The following BRMS1L variants were observed in gnomAD, a reference collection of about 807,000 sequenced individuals.
BRMS1L encodes the protein BRMS1 like transcriptional repressor, also known as breast cancer metastasis-suppressor 1-like protein.
A neutral mutation model predicts 50.3 loss-of-function variants in BRMS1L; 23 were observed. The ratio of observed to expected loss-of-function variants is 0.46; its 90% CI spans 0.33 to 0.65. The LOEUF is 0.65. Ranked by LOEUF, BRMS1L falls within the 30% of genes least tolerant of loss-of-function variation. BRMS1L has a pLI of 0.02. For missense variants in BRMS1L, 286 were observed against 386.1 expected (o/e 0.74, Z 2.17); for synonymous variants, 114 against 126.9 (o/e 0.90, Z 0.69).
At chr14:35,839,179 G>T (rs1247265383) in intron 4 of BRMS1L, among the ~76,000 whole-genome samples, 1 of 152,114 alleles carries the variant, frequency 6.6e-6, no homozygotes, top group Non-Finnish European at 1.5e-5. Flanking sequence ...TCAGATGGTT[G>T]TAGGTGTGTG....
intron 4 of BRMS1L, among the ~76,000 whole-genome samples, chr14:35,856,663 G>A (rs1308211380): frequency 6.6e-6 from 1 of 151,948 alleles, no homozygotes; most frequent in East Asian, 1.9e-4. Context: ...CCCGGGTGGA[G>A]TGTAGTGGCG....
intron 1 of BRMS1L, among the ~76,000 whole-genome samples, chr14:35,828,082 A>G (rs2077867462): frequency 1.3e-5 from 2 of 152,224 alleles, no homozygotes; most frequent in African/African-American, 2.4e-5. Context: ...CCAAGATACA[A>G]GGAGAGTGGC....
chr14:35,853,021 T>TAG (rs59272704), intron 4 of BRMS1L, among the ~76,000 whole-genome samples: 168 of 151,916 alleles, frequency 1.1e-3, no homozygotes, highest in African/African-American at 3.6e-3. Context: ...TATCTATATA[T>TAG]AGAGAGAGAG....
chr14:35,829,958 C>A, intron 1 of BRMS1L: 1 of 601,742 alleles, frequency 1.7e-6, no homozygotes, highest in Non-Finnish European at 2.2e-6. Context: ...TCCTCATTTG[C>A]CTCTTTCTCA....
rs1306752815 is a variant in BRMS1L, at chr14:35,826,412, G to C, written c.-105G>C. On this transcript the variant is annotated 5_prime_UTR_variant, in exon 1 of 10. Coordinates refer to ENST00000216807, the MANE Select transcript of BRMS1L (RefSeq NM_032352.4). ...GGGCGGGGAGGAGCCAAGGGGGCGA[G>C]CAAGCTCGGTGGCTGGGTGGGTTGG... is the stretch of plus-strand genomic sequence containing the variant. The C allele has an allele frequency of 6.6e-7, 1 of 1,514,592 alleles. No homozygotes were observed. The highest frequency in any genetic ancestry group is 8.9e-7 in the Non-Finnish European group (1 of 1,125,804). The allele number at this position is 1,514,592 out of a possible 1,614,324, so 93.8% of individuals were successfully genotyped here.
intron 4 of BRMS1L, among the ~76,000 whole-genome samples, chr14:35,845,640 G>A (rs1487224820): frequency 6.6e-6 from 1 of 152,208 alleles, no homozygotes; most frequent in Non-Finnish European, 1.5e-5. Flanking sequence ...CATAAACTGA[G>A]TTAAGAATAT....
rs189988287 is a variant in BRMS1L, at chr14:35,844,222, A to G, written c.441+9299A>G. ...GTTCTTTCTCGCTGGTGTTCCAGGTACCACTGGGGTATGAAAAAAAGCTCC... is the reference window on the plus strand; with the variant it reads ...GTTCTTTCTCGCTGGTGTTCCAGGTGCCACTGGGGTATGAAAAAAAGCTCC... On this transcript the variant is annotated intron_variant, in intron 4 of 9. Coordinates refer to ENST00000216807, the MANE Select transcript of BRMS1L (RefSeq NM_032352.4). Among the ~76,000 whole-genome samples, 320 of 152,136 alleles carry G rather than the reference A, an allele frequency of 2.1e-3. 1 individual carries two copies. Among genetic ancestry groups the G allele is most frequent in the African/African-American group, 6.9e-3 (288 of 41,508 alleles).
intron 7 of BRMS1L, 138 bp from the exon 8 acceptor site, chr14:35,865,584 G>A (rs2078409495): frequency 1.5e-6 from 1 of 658,676 alleles, no homozygotes; most frequent in Non-Finnish European, 2.5e-6. Flanking sequence ...AAATTTGTTA[G>A]AGCAGCTAAT....
At chr14:35,862,939 A>T (rs546779114) in intron 5 of BRMS1L, among the ~76,000 whole-genome samples, 1 of 152,286 alleles carries the variant, frequency 6.6e-6, no homozygotes, top group South Asian at 2.1e-4. Flanking sequence ...ACCTACTGGC[A>T]GAATAGTGTC....
At chr14:35,848,612 C>G (rs535605982) in intron 4 of BRMS1L, among the ~76,000 whole-genome samples, 1 of 152,214 alleles carries the variant, frequency 6.6e-6, no homozygotes, top group Non-Finnish European at 1.5e-5. Context: ...TTCCCATACC[C>G]TGCCCCACTG....
In BRMS1L at chr14:35,871,505, T is replaced by C. The variant is rs1481805748; in HGVS notation, c.*1028T>C. 1 of 152,618 alleles carries C rather than the reference T, an allele frequency of 6.6e-6. No homozygotes were observed. The highest frequency in any genetic ancestry group is 1.5e-5 in the Non-Finnish European group (1 of 68,026). The allele number at this position is 152,618 out of a possible 1,614,324, so 9.5% of individuals were successfully genotyped here. On this transcript the variant is annotated 3_prime_UTR_variant, in exon 10 of 10. Coordinates refer to ENST00000216807, the MANE Select transcript of BRMS1L (RefSeq NM_032352.4). ...ACATTCAAAATTAACTTCCAAAACC[T>C]CAGGAACAGTACAAAGAATTGAAAC... is the stretch of plus-strand genomic sequence containing the variant.
At position 35,833,042 on chromosome 14, in the gene BRMS1L, C is replaced by G; in HGVS notation, c.298C>G (p.Pro100Ala). Residue 100 changes from proline to alanine, a missense_variant, in exon 3 of 10, where the codon CCA (proline) becomes GCA (alanine). Pro to Ala is a conservative substitution (Grantham distance 27). This residue lies in a region of BRMS1L where 160 missense variants were observed against 240.6 expected (regional missense o/e 0.66). Transcript: ENST00000216807. ...ACAAGAAGTCATAGCTGGAAAAGCACCAGAATACTTGGAACCGCTGGCAAC... is the reference window on the plus strand; with the variant it reads ...ACAAGAAGTCATAGCTGGAAAAGCAGCAGAATACTTGGAACCGCTGGCAAC... Reference protein sequence around the residue: ...KLQEVIAGKAPEYLEPLATLQ... With the variant: ...KLQEVIAGKAAEYLEPLATLQ... 1 of 1,613,244 alleles carries G rather than the reference C, an allele frequency of 6.2e-7. No homozygotes were observed. The highest frequency in any genetic ancestry group is 8.5e-7 in the Non-Finnish European group (1 of 1,179,474).
At position 35,826,503 on chromosome 14, in the gene BRMS1L, G is replaced by T; in HGVS notation, c.-14G>T. 1 of 1,572,012 alleles carries T rather than the reference G, an allele frequency of 6.4e-7. No individual in the cohort carries two copies. The highest frequency in any genetic ancestry group is 8.6e-7 in the Non-Finnish European group (1 of 1,158,814). Reference sequence around the variant, plus strand: ...CTGGGCGCCGGTAGTGGAAAGCGACGGCGCGGCTGGAAAATGCCAGTCCAT... The same window carrying T: ...CTGGGCGCCGGTAGTGGAAAGCGACTGCGCGGCTGGAAAATGCCAGTCCAT... On this transcript the variant is annotated 5_prime_UTR_variant, in exon 1 of 10. Transcript: ENST00000216807.
chr14:35,864,392 G>T (rs2078393868), intron 6 of BRMS1L, among the ~76,000 whole-genome samples: 1 of 152,010 alleles, frequency 6.6e-6, no homozygotes, highest in South Asian at 2.1e-4. Context: ...CTCCCAAGTA[G>T]CTGGGACTAC....
chr14:35,869,873 TA>T (rs1472655690), intron 9 of BRMS1L, among the ~76,000 whole-genome samples: 3 of 151,530 alleles, frequency 2.0e-5, no homozygotes, highest in Admixed American at 2.0e-4. Flanking sequence ...AATAAATAAT[TA>T]AAAAAAGAAT....
At position 35,827,241 on chromosome 14, in the gene BRMS1L, C is replaced by T. The variant is rs370602213; in HGVS notation, c.142+583C>T. On this transcript the variant is annotated intron_variant, in intron 1 of 9. Transcript: ENST00000216807. The stretch of plus-strand genomic sequence containing the variant: ...GGATCTTCATATGCTTATAAATTGG[C>T]TGAGTTTTGGCAGCGTTGAAAATTC... 2.5e-4 allele frequency among the ~76,000 whole-genome samples: 38 copies of T among 152,292 alleles called. No homozygotes were observed. The East Asian group carries it at 4.0e-3, about 16-fold the overall frequency.
chr14:35,862,762 A>G, intron 5 of BRMS1L, 76 bp downstream of exon 5: 1 of 831,636 alleles, frequency 1.2e-6, no homozygotes. Flanking sequence ...ATCGTATCTC[A>G]GTCTTCTAAT....
At chr14:35,828,943 T>TC (rs1158972377) in intron 1 of BRMS1L, among the ~76,000 whole-genome samples, 1 of 150,980 alleles carries the variant, frequency 6.6e-6, no homozygotes, top group Non-Finnish European at 1.5e-5. Context: ...GGAATATATT[T>TC]CTTTTTTTTT....
intron 4 of BRMS1L, among the ~76,000 whole-genome samples, chr14:35,850,241 C>T (rs1434778558): frequency 7.7e-5 from 10 of 129,682 alleles, no homozygotes; most frequent in Middle Eastern, 6.1e-3. Context: ...GAGTTTCGCT[C>T]TTGTTGCCCA....
Sources: gnomAD v4.1 joint callset for allele counts (sites outside exome capture counted in the v4.1 genomes callset) on GRCh38, gnomAD v4.1.1 for gene constraint, gnomAD v4.1.1 regional missense constraint, MANE v1.5 for transcripts, NCBI Gene and HGNC (gene_info 2026-07-23, HGNC 2026-07-21) for gene names.